Variants in ZNF66 observed in about 807,000 individuals in gnomAD.
The protein encoded by ZNF66 is putative zinc finger protein 66.
A neutral mutation model predicts 35.2 loss-of-function variants in ZNF66; 32 were observed. The ratio of observed to expected loss-of-function variants is 0.91; its 90% CI spans 0.69 to 1.22. The LOEUF (loss-of-function observed/expected upper bound fraction) is 1.22, where lower values mean the gene tolerates loss of function less well. ZNF66 is among the 50% of genes most tolerant of loss of function. The pLI, the probability that ZNF66 is intolerant of heterozygous loss-of-function variation, is 0.00. For missense variants in ZNF66, 666 were observed against 543.1 expected (o/e 1.23, Z -2.25); for synonymous variants, 231 against 181.3 (o/e 1.27, Z -2.20).
intron 3 of ZNF66, among the ~76,000 whole-genome samples, chr19:20,798,354 T>A (rs990116373): frequency 5.9e-4 from 90 of 151,994 alleles, no homozygotes; most frequent in Non-Finnish European, 2.2e-4. Flanking sequence ...ATCCCAGGAT[T>A]TTGGGAGGCC....
At chr19:20,802,715 C>T (rs1416637207) in intron 3 of ZNF66, among the ~76,000 whole-genome samples, 15 of 152,078 alleles carry the variant, frequency 9.9e-5, no homozygotes. Context: ...TTTTTACTGC[C>T]TTCTAGTCCT....
rs767483959 is a variant in ZNF66 at position 20,792,786 on chromosome 19, G to T, written c.130+148G>T. ...CTTCAGAATTTGTTCATTTAGAAAAGAATTACTTTGGTGCCTCATGCCTGT... is the reference window on the plus strand; with the variant it reads ...CTTCAGAATTTGTTCATTTAGAAAATAATTACTTTGGTGCCTCATGCCTGT... On this transcript the variant is annotated intron_variant, in intron 2 of 3. Transcript: ENST00000344519. 6.7e-4 allele frequency: 393 copies of T among 586,022 alleles called. 1 individual carries two copies. Among genetic ancestry groups the T allele is most frequent in the Non-Finnish European group, 9.7e-4 (351 of 361,470 alleles). The allele number at this position is 586,022 out of a possible 1,614,324, so 36.3% of individuals were successfully genotyped here.
chr19:20,779,306 G>A (rs75282062), intron 1 of ZNF66, among the ~76,000 whole-genome samples: 9 of 148,730 alleles, frequency 6.1e-5, no homozygotes, highest in Admixed American at 4.0e-4. Flanking sequence ...GGCAGAAAAG[G>A]GCTTTCTTTT....
chr19:20,780,939 A>G (rs1282372230), intron 1 of ZNF66, among the ~76,000 whole-genome samples: 1 of 152,138 alleles, frequency 6.6e-6, no homozygotes, highest in Non-Finnish European at 1.5e-5. Flanking sequence ...CACTCCTCCC[A>G]GGACTAGGCA....
At chr19:20,802,706 T>A (rs1219083993) in intron 3 of ZNF66, among the ~76,000 whole-genome samples, 1 of 152,192 alleles carries the variant, frequency 6.6e-6, no homozygotes, top group Non-Finnish European at 1.5e-5. Flanking sequence ...AATAATTGTT[T>A]TTTACTGCCT....
At chr19:20,793,192 C>T (rs1434250669) in intron 2 of ZNF66, among the ~76,000 whole-genome samples, 2 of 151,886 alleles carry the variant, frequency 1.3e-5, no homozygotes, top group Non-Finnish European at 2.9e-5. Flanking sequence ...CAGAAATTTA[C>T]TGACTTAAAA....
intron 2 of ZNF66, among the ~76,000 whole-genome samples, chr19:20,793,322 CT>C (rs370522800): frequency 0.038 from 2,414 of 63,372 alleles, 61 homozygotes; most frequent in Non-Finnish European, 0.062. Context: ...CTTTTCTTTT[CT>C]TTTCTTTTCT....
At chr19:20,793,317 CTTTTCTTTTCTTTTCTTT>C (rs1971357135) in intron 2 of ZNF66, among the ~76,000 whole-genome samples, 1 of 71,716 alleles carries the variant, frequency 1.4e-5, no homozygotes, top group Admixed American at 1.4e-4. Flanking sequence ...CTTTTCTTTT[CTTTTCTTTTCTTTTCTTT>C]TTTTTTTTTT....
intron 1 of ZNF66, among the ~76,000 whole-genome samples, chr19:20,777,807 G>A (rs903179998): frequency 3.9e-5 from 6 of 152,068 alleles, no homozygotes; most frequent in African/African-American, 1.4e-4. Flanking sequence ...CATATTTTTA[G>A]TAGAGATGAG....
chr19:20,799,897 T>C lies in ZNF66; in HGVS notation c.227-5930T>C, dbSNP rs934871830. Among the ~76,000 whole-genome samples the C allele has an allele frequency of 8.5e-5, 13 of 152,352 alleles. 1 individual carries two copies. Among genetic ancestry groups the C allele is most frequent in the Admixed American group, 6.5e-4 (10 of 15,300 alleles). On this transcript the variant is annotated intron_variant, in intron 3 of 3. Transcript: ENST00000344519. ...TTGTTGCCCCCTGAGCAAGAATATG[T>C]TGAAGAGTGTGTTTCATATTCACAT...
At chr19:20,794,108 G>T in intron 3 of ZNF66, 1 of 573,108 alleles carries the variant, frequency 1.7e-6, no homozygotes, top group South Asian at 1.9e-5. Context: ...TTCTCTCAGT[G>T]AGCTTCCTTC....
rs1412164599 is a variant in ZNF66 at position 20,807,198 on chromosome 19, G to C, written c.1598G>C (p.Gly533Ala). ...TLTRHKKIHT[G>A]GKPHKCNKCG... ...ACTAGACATAAGAAAATTCATACTG[G>C]AGGGAAACCACACAAGTGCAATAAA... The change falls in exon 4 of 4, where the codon GGA becomes GCA. Residue 533 changes from glycine (G) to alanine (A), a missense_variant. Transcript: ENST00000344519. The C allele has an allele frequency of 5.5e-6, 4 of 732,680 alleles. No individual in the cohort carries two copies. The highest frequency in any genetic ancestry group is 3.5e-5 in the African/African-American group (2 of 57,082). The allele number at this position is 732,680 out of a possible 1,614,324, so 45.4% of individuals were successfully genotyped here. A position where few individuals can be genotyped will look rare whatever the true frequency, so the allele number is the denominator to read the frequency against.
chr19:20,778,458 G>GAT (rs1327165600), intron 1 of ZNF66, among the ~76,000 whole-genome samples: 1 of 152,174 alleles, frequency 6.6e-6, no homozygotes, highest in African/African-American at 2.4e-5. Context: ...GAAAGAAGTA[G>GAT]ATATATATGC....
rs145588534 is a variant in ZNF66, at chr19:20,793,859, G to T, written c.207G>T (p.Glu69Asp). ...GKKPSTMQRH[E>D]MVANPSVLCS... Reference sequence around the variant, plus strand: ...AACCTTCGACTATGCAGAGACATGAGATGGTAGCCAACCCCTCAGGTAGGT... The same window carrying T: ...AACCTTCGACTATGCAGAGACATGATATGGTAGCCAACCCCTCAGGTAGGT... The change falls in exon 3 of 4, where the codon GAG (glutamate) becomes GAT (aspartate). Residue 69 changes from glutamate to aspartate, a missense_variant. Transcript: ENST00000344519. 232 of 1,180,442 alleles carry T rather than the reference G, an allele frequency of 2.0e-4. No homozygotes were observed. The African/African-American group carries it at 3.6e-3, about 18-fold the overall frequency. 73.1% of individuals were successfully genotyped at this position (1,180,442 alleles called of 1,614,324 possible).
rs528307912 is a variant in ZNF66 at position 20,809,599 on chromosome 19, G to A, written c.*2277G>A. On this transcript the variant is annotated 3_prime_UTR_variant, in exon 4 of 4. Coordinates refer to ENST00000344519, the MANE Select transcript of ZNF66 (RefSeq NM_001355197.2). ...CAAACTAAGCTTCATAAGTGAAGGA[G>A]AAATAAAATACTTTACAGACAAGCA... 3.6e-4 allele frequency among the ~76,000 whole-genome samples: 54 copies of A among 151,724 alleles called. No individual in the cohort carries two copies. In the South Asian group the frequency reaches 0.011, roughly 30 times the overall value.
At chr19:20,784,352 A>T (rs57163436) in intron 1 of ZNF66, among the ~76,000 whole-genome samples, 25,920 of 152,128 alleles carry the variant, frequency 0.17, 2,530 homozygotes, top group African/African-American at 0.26. Flanking sequence ...AGCCAGAGAA[A>T]ATTTACTACC....
In ZNF66 at chr19:20,809,863, C is replaced by A. The variant is rs1448613722; in HGVS notation, c.*2541C>A. Among the ~76,000 whole-genome samples, 11 of 152,002 alleles carry A rather than the reference C, an allele frequency of 7.2e-5. No individual in the cohort carries two copies. Among genetic ancestry groups the A allele is most frequent in the African/African-American group, 2.4e-4 (10 of 41,386 alleles). ...TTTAAATGTAAATGGGCTAAATGCT[C>A]CAATTAAAAGACACAGACAGGCAAA... is the stretch of plus-strand genomic sequence containing the variant. On this transcript the variant is annotated 3_prime_UTR_variant, in exon 4 of 4. Transcript: ENST00000344519.
rs1334243799 is a variant in ZNF66, at chr19:20,807,178, A to G, written c.1578A>G (p.Arg526=). 2 of 761,234 alleles carry G rather than the reference A, an allele frequency of 2.6e-6. No individual in the cohort carries two copies. The highest frequency in any genetic ancestry group is 4.4e-5 in the Admixed American group (2 of 45,606). The allele number at this position is 761,234 out of a possible 1,614,324, so 47.2% of individuals were successfully genotyped here. ...TTAAGTACTCCTCTACCCTTACTAG[A>G]CATAAGAAAATTCATACTGGAGGGA... ...KDFKYSSTLT[R]HKKIHTGGKP... is the part of the protein sequence containing the mutation. The change falls in exon 4 of 4, where the codon AGA becomes AGG. Residue 526 remains arginine, a synonymous_variant. Transcript: ENST00000344519.
chr19:20,807,875 G>A lies in ZNF66; in HGVS notation c.*553G>A, dbSNP rs1971539783. On this transcript the variant is annotated 3_prime_UTR_variant, in exon 4 of 4. Coordinates refer to ENST00000344519, the MANE Select transcript of ZNF66 (RefSeq NM_001355197.2). ...AGACAGTGGCTGCAGGACAGTGGGTGCAGTGCACTGTGCATGAGCTGAAGC... is the reference window on the plus strand; with the variant it reads ...AGACAGTGGCTGCAGGACAGTGGGTACAGTGCACTGTGCATGAGCTGAAGC... Among the ~76,000 whole-genome samples the A allele has an allele frequency of 6.6e-6, 1 of 152,196 alleles. No individual in the cohort carries two copies. The highest frequency in any genetic ancestry group is 1.5e-5 in the Non-Finnish European group (1 of 68,040).
Sources: allele counts gnomAD v4.1 joint callset (sites outside exome capture counted in the v4.1 genomes callset), GRCh38; gene constraint gnomAD v4.1.1; transcripts MANE v1.5; gene names NCBI Gene and HGNC (gene_info 2026-07-23, HGNC 2026-07-21).